The following ARHGAP10 variants were observed in gnomAD, a reference collection of about 807,000 sequenced individuals.
ARHGAP10 encodes rho GTPase-activating protein 10.
A neutral mutation model predicts 108.6 loss-of-function variants in ARHGAP10; 87 were observed. That is an observed-to-expected ratio of 0.80 (90% CI 0.67 to 0.96). The LOEUF (loss-of-function observed/expected upper bound fraction) is 0.96, where lower values mean the gene tolerates loss of function less well. Ranked by LOEUF, ARHGAP10 falls within the 40% of genes least tolerant of loss-of-function variation. ARHGAP10 has a pLI of 0.00. For missense variants in ARHGAP10, 939 were observed against 954.5 expected (o/e 0.98, Z 0.21); for synonymous variants, 347 against 341.1 (o/e 1.02, Z -0.19).
intron 22 of ARHGAP10, among the ~76,000 whole-genome samples, chr4:148,071,192 G>A (rs1730160722): frequency 6.6e-6 from 1 of 152,266 alleles, no homozygotes; most frequent in Non-Finnish European, 1.5e-5. Flanking sequence ...AAGGCCTGGA[G>A]TTGCAGTTGG....
At chr4:147,773,604 A>G (rs1014940591) in intron 1 of ARHGAP10, among the ~76,000 whole-genome samples, 2 of 152,176 alleles carry the variant, frequency 1.3e-5, no homozygotes, top group African/African-American at 2.4e-5. Context: ...TGTGATTTTC[A>G]TTGTTGCCAT....
chr4:147,817,061 T>G (rs1732279142), intron 1 of ARHGAP10, among the ~76,000 whole-genome samples: 1 of 152,188 alleles, frequency 6.6e-6, no homozygotes, highest in Non-Finnish European at 1.5e-5. Flanking sequence ...TTGTCTATTT[T>G]AAAAAGGGCT....
At chr4:147,975,949 A>T (rs554542002) in intron 18 of ARHGAP10, among the ~76,000 whole-genome samples, 6 of 152,224 alleles carry the variant, frequency 3.9e-5, no homozygotes, top group Admixed American at 6.5e-5. Context: ...AGTAGAATGC[A>T]TTGGTGCTCC....
At chr4:147,763,824 G>A (rs1347319983) in intron 1 of ARHGAP10, among the ~76,000 whole-genome samples, 2 of 144,138 alleles carry the variant, frequency 1.4e-5, no homozygotes, top group East Asian at 4.1e-4. Flanking sequence ...GCACCATCAC[G>A]GCTCACTGCA....
At chr4:147,897,723 C>T (rs1395926093) in intron 10 of ARHGAP10, among the ~76,000 whole-genome samples, 1 of 152,106 alleles carries the variant, frequency 6.6e-6, no homozygotes, top group Non-Finnish European at 1.5e-5. Flanking sequence ...AGCATTTGAA[C>T]TACATATGTT....
chr4:147,819,858 C>T (rs1732411891), intron 1 of ARHGAP10, among the ~76,000 whole-genome samples: 2 of 152,142 alleles, frequency 1.3e-5, no homozygotes, highest in Admixed American at 1.3e-4. Context: ...CGTGCACAGC[C>T]TATTGTATCT....
chr4:148,049,841 G>T (rs1376696742), intron 20 of ARHGAP10, among the ~76,000 whole-genome samples: 1 of 80,392 alleles, frequency 1.2e-5, no homozygotes, highest in Non-Finnish European at 2.2e-5. Context: ...GTGGGGGGGC[G>T]GGGGGCGGGG....
At chr4:147,976,335 AAAC>A (rs1204356652) in intron 18 of ARHGAP10, among the ~76,000 whole-genome samples, 8 of 152,334 alleles carry the variant, frequency 5.3e-5, no homozygotes, top group African/African-American at 1.7e-4. Context: ...TAAATGTCTT[AAAC>A]AACAACAACA....
chr4:147,840,807 T>C (rs1418102365), intron 3 of ARHGAP10, among the ~76,000 whole-genome samples: 2 of 152,232 alleles, frequency 1.3e-5, no homozygotes, highest in African/African-American at 4.8e-5. Flanking sequence ...CGAGAGCTCC[T>C]TGAACTGTGA....
intron 20 of ARHGAP10, among the ~76,000 whole-genome samples, chr4:148,062,828 G>A (rs1317891161): frequency 6.6e-6 from 1 of 152,152 alleles, no homozygotes; most frequent in Admixed American, 6.5e-5. Flanking sequence ...TGAATACCTT[G>A]AATGTCCCAC....
intron 1 of ARHGAP10, among the ~76,000 whole-genome samples, chr4:147,741,089 C>T (rs1728638097): frequency 6.6e-6 from 1 of 152,090 alleles, no homozygotes; most frequent in African/African-American, 2.4e-5. Context: ...TCATTTAGTT[C>T]AACCTTTTTT....
In ARHGAP10 at chr4:147,733,343, C is replaced by T. The variant is rs543260548; in HGVS notation, c.154+888C>T. ...CTACTGGAAAATGGGGCGGAATTAG[C>T]CCCAGTGAGGAGCTGGGCAGCCTGA... On this transcript the variant is annotated intron_variant, in intron 1 of 22. Transcript: ENST00000336498. Among the ~76,000 whole-genome samples the T allele has an allele frequency of 8.5e-5, 13 of 152,252 alleles. No individual in the cohort carries two copies. The East Asian group carries it at 1.5e-3, about 18-fold the overall frequency.
At position 147,829,311 on chromosome 4, in the gene ARHGAP10, C is replaced by A. The variant is rs185229829; in HGVS notation, c.312+6354C>A. On this transcript the variant is annotated intron_variant, in intron 3 of 22. Coordinates refer to ENST00000336498, the MANE Select transcript of ARHGAP10 (RefSeq NM_024605.4). ...TTGTGATCTTCCTGCCTCGACCCCC[C>A]CATCGTGCTGGGATTACAGGTGTGA... Among the ~76,000 whole-genome samples, 354 of 152,232 alleles carry A rather than the reference C, an allele frequency of 2.3e-3. 2 individuals are homozygous for A. The highest frequency in any genetic ancestry group is 4.1e-3 in the Non-Finnish European group (280 of 68,028).
chr4:147,913,192 A>G, intron 13 of ARHGAP10, 53 bp downstream of exon 13: 1 of 1,499,330 alleles, frequency 6.7e-7, no homozygotes, highest in Non-Finnish European at 9.3e-7. Flanking sequence ...TGTAAAATCT[A>G]AAAGTCATTA....
intron 3 of ARHGAP10, among the ~76,000 whole-genome samples, chr4:147,843,972 A>G (rs1230289809): frequency 6.6e-6 from 1 of 152,140 alleles, no homozygotes; most frequent in African/African-American, 2.4e-5. Flanking sequence ...TTCAAATGCC[A>G]TCTACTTGCT....
At chr4:148,043,753 T>A (rs1178348493) in intron 19 of ARHGAP10, among the ~76,000 whole-genome samples, 2 of 142,140 alleles carry the variant, frequency 1.4e-5, no homozygotes, top group African/African-American at 5.2e-5. Context: ...TATGTATATA[T>A]GTATATATAT....
At chr4:147,741,766 T>TTA (rs1170802445) in intron 1 of ARHGAP10, among the ~76,000 whole-genome samples, 6 of 111,316 alleles carry the variant, frequency 5.4e-5, no homozygotes, top group African/African-American at 2.5e-4. Context: ...ATCGTTCTCT[T>TTA]TACACACACA....
intron 1 of ARHGAP10, among the ~76,000 whole-genome samples, chr4:147,778,672 T>C (rs1003988937): frequency 1.3e-5 from 2 of 152,228 alleles, no homozygotes; most frequent in African/African-American, 4.8e-5. Context: ...GGGTATAGCC[T>C]TAGAGTATTT....
At chr4:148,010,765 G>C (rs1741139204) in intron 18 of ARHGAP10, among the ~76,000 whole-genome samples, 1 of 152,098 alleles carries the variant, frequency 6.6e-6, no homozygotes, top group Non-Finnish European at 1.5e-5. Context: ...GAAGACTATT[G>C]GGCTGAATCA....
Sources: gnomAD v4.1 joint callset for allele counts (sites outside exome capture counted in the v4.1 genomes callset) on GRCh38, gnomAD v4.1.1 for gene constraint, MANE v1.5 for transcripts, NCBI Gene and HGNC (gene_info 2026-07-23, HGNC 2026-07-21) for gene names.